Variants in MAN1A2 observed in about 807,000 individuals in gnomAD.
MAN1A2 encodes mannosyl-oligosaccharide 1,2-alpha-mannosidase IB.
MAN1A2 carries 26 observed loss-of-function variants against 75.7 expected under a neutral mutation model. That is an observed-to-expected ratio of 0.34 (90% confidence interval 0.25 to 0.48). The LOEUF (loss-of-function observed/expected upper bound fraction) is 0.48, where lower values mean the gene tolerates loss of function less well. Among genes scored for constraint, MAN1A2 ranks in the 20% least tolerant of loss-of-function variants. The pLI is 0.99. For synonymous variants in MAN1A2, 247 were observed against 264.6 expected (o/e 0.93, Z 0.65); for missense variants, 562 against 775.5 (o/e 0.72, Z 3.27).
At chr1:117,474,171 T>C (rs1265418059) in intron 8 of MAN1A2, among the ~76,000 whole-genome samples, 1 of 151,996 alleles carries the variant, frequency 6.6e-6, no homozygotes, top group Non-Finnish European at 1.5e-5. Context: ...TCAACCTGAC[T>C]GCAAAGGATC....
chr1:117,413,986 CAGTT>C (rs1421564017), intron 3 of MAN1A2, among the ~76,000 whole-genome samples: 3 of 151,842 alleles, frequency 2.0e-5, no homozygotes, highest in Non-Finnish European at 4.4e-5. Context: ...GTTTTGGTAT[CAGTT>C]AGGCTGGTTT....
intron 7 of MAN1A2, among the ~76,000 whole-genome samples, chr1:117,464,849 T>C (rs1335845354): frequency 1.3e-5 from 2 of 152,162 alleles, no homozygotes; most frequent in Non-Finnish European, 2.9e-5. Context: ...CCTGGTGTTT[T>C]ATGTCAAAAC....
Position 117,425,194 on chromosome 1 carries a change from C to CT in MAN1A2, c.855+4546dup, listed in dbSNP as rs202201012. On this transcript the variant is annotated intron_variant, in intron 5 of 12. Transcript: ENST00000356554. The stretch of plus-strand genomic sequence containing the variant: ...GAGGGAAGGGGGAAGGATCAGAACT[C>CT]TATCTATAAAAAGATGCAAAGTTTT... Among the ~76,000 whole-genome samples, 1,071 of 151,856 alleles carry CT rather than the reference C, an allele frequency of 7.1e-3. 18 individuals carry two copies. The highest frequency in any genetic ancestry group is 0.025 in the African/African-American group (1,024 of 41,322).
chr1:117,396,361 G>A (rs1653904603), intron 1 of MAN1A2, among the ~76,000 whole-genome samples: 1 of 152,108 alleles, frequency 6.6e-6, no homozygotes, highest in Non-Finnish European at 1.5e-5. Flanking sequence ...TTTGGACAAG[G>A]CCAAATTCTT....
Position 117,522,943 on chromosome 1 carries a change from C to G in MAN1A2, c.1912C>G (p.Pro638Ala), listed in dbSNP as rs779927312. Residue 638 changes from proline (P) to alanine (A), a missense_variant, in exon 13 of 13, where the codon CCT becomes GCT. This residue lies in a region of MAN1A2 where 434 missense variants were observed against 645.7 expected (regional missense o/e 0.67). Coordinates refer to ENST00000356554, the MANE Select transcript of MAN1A2 (RefSeq NM_006699.5). ...AGCCAACACCACACTTTCAGGTAAT[C>G]CTGCTGTTCGATGAAAGCAGTTCCA... is the stretch of plus-strand genomic sequence containing the variant. ...HLANTTLSGN[P>A]AVR 6.2e-7 allele frequency: 1 copy of G among 1,611,354 alleles called. No homozygotes were observed. Among genetic ancestry groups the G allele is most frequent in the Non-Finnish European group, 8.5e-7 (1 of 1,178,430 alleles).
At chr1:117,381,458 A>G (rs1467902933) in intron 1 of MAN1A2, among the ~76,000 whole-genome samples, 1 of 151,984 alleles carries the variant, frequency 6.6e-6, no homozygotes, top group Non-Finnish European at 1.5e-5. Context: ...TCTTTGCGAT[A>G]GTTTACTGAG....
chr1:117,480,473 GTT>G (rs759899183), intron 8 of MAN1A2, among the ~76,000 whole-genome samples: 12 of 151,672 alleles, frequency 7.9e-5, no homozygotes, highest in Non-Finnish European at 1.3e-4. Context: ...TTTGTCCAAA[GTT>G]TTTGGTTGTT....
Position 117,367,936 on chromosome 1 carries a change from T to A in MAN1A2, c.-248T>A. On this transcript the variant is annotated 5_prime_UTR_variant, in exon 1 of 13. An upstream start codon of the reference 5' UTR is lost. Transcript: ENST00000356554. ...GAAGAGGAGGCTTGTAATAATCCGA[T>A]GAAGTACAGATGTTGAAGAGGATAT... The A allele has an allele frequency of 4.3e-6, 2 of 460,316 alleles. No homozygotes were observed. Among genetic ancestry groups the A allele is most frequent in the South Asian group, 7.0e-5 (2 of 28,614 alleles). 28.5% of individuals were successfully genotyped at this position (460,316 alleles called of 1,614,324 possible).
chr1:117,442,124 C>A, intron 5 of MAN1A2, 107 bp from the exon 6 acceptor site: 1 of 638,512 alleles, frequency 1.6e-6, no homozygotes, highest in Admixed American at 2.4e-5. Flanking sequence ...CTACCCTGTG[C>A]TCCCGTGTAC....
At chr1:117,416,829 G>A (rs755463607) in intron 4 of MAN1A2, among the ~76,000 whole-genome samples, 4 of 152,128 alleles carry the variant, frequency 2.6e-5, no homozygotes, top group Non-Finnish European at 4.4e-5. Context: ...GACTGTGTCA[G>A]AGCTGAGACT....
rs1647935083 is a variant in MAN1A2, at chr1:117,414,761, A to G, written c.704A>G (p.Tyr235Cys). The G allele has an allele frequency of 6.2e-7, 1 of 1,610,810 alleles. No individual in the cohort carries two copies. The stretch of plus-strand genomic sequence containing the variant: ...ATAGTAGATGCTTTGGATACCCTTT[A>G]TATCATGGGACTTCATGATGAATTC... ...ATIVDALDTL[Y>C]IMGLHDEFLD... Residue 235 changes from tyrosine (Y) to cysteine (C), a missense_variant, in exon 4 of 13, where the codon TAT becomes TGT. Around this residue, in one of 2 missense-constraint regions of MAN1A2, gnomAD observed 434 missense variants for 645.7 expected, o/e 0.67. Transcript: ENST00000356554.
chr1:117,496,468 G>A (rs1190996558), intron 9 of MAN1A2, among the ~76,000 whole-genome samples: 2 of 151,900 alleles, frequency 1.3e-5, no homozygotes, highest in Admixed American at 1.3e-4. Context: ...CAAAACAAAT[G>A]CCTAAATTTG....
chr1:117,522,194 C>T (rs1295622606), intron 12 of MAN1A2, among the ~76,000 whole-genome samples: 3 of 151,780 alleles, frequency 2.0e-5, no homozygotes, highest in African/African-American at 7.2e-5. Context: ...AAATGAATGA[C>T]AGCAGAGTCC....
rs551825778 is a variant in MAN1A2 at position 117,506,423 on chromosome 1, C to G, written c.1793+3453C>G. Among the ~76,000 whole-genome samples the G allele has an allele frequency of 3.6e-4, 54 of 151,570 alleles. No individual in the cohort carries two copies. The Middle Eastern group carries it at 0.01, about 29-fold the overall frequency. ...TATTGCTATAGGCATACTTTTTTCCCCAGAAGAGGCCATGTCTCCTACTTT... is the reference window on the plus strand; with the variant it reads ...TATTGCTATAGGCATACTTTTTTCCGCAGAAGAGGCCATGTCTCCTACTTT... On this transcript the variant is annotated intron_variant, in intron 12 of 12. Transcript: ENST00000356554.
chr1:117,454,390 G>A (rs10923303), intron 6 of MAN1A2, among the ~76,000 whole-genome samples: 18,841 of 152,018 alleles, frequency 0.12, 1,228 homozygotes, highest in Non-Finnish European at 0.14. Context: ...GAGAAGAAAG[G>A]CATTTACATT....
intron 3 of MAN1A2, among the ~76,000 whole-genome samples, chr1:117,408,044 C>T (rs1480615867): frequency 6.6e-6 from 1 of 152,056 alleles, no homozygotes; most frequent in Non-Finnish European, 1.5e-5. Flanking sequence ...TAGTTAGGGC[C>T]TGGCTCTGGA....
chr1:117,503,102 T>C (rs1651251947), intron 12 of MAN1A2, 132 bp downstream of exon 12: 1 of 521,824 alleles, frequency 1.9e-6, no homozygotes, highest in Non-Finnish European at 3.3e-6. Flanking sequence ...TAATTGGGTG[T>C]GTAAATTTTT....
chr1:117,462,440 G>A (rs914992738), intron 7 of MAN1A2, among the ~76,000 whole-genome samples: 1 of 152,130 alleles, frequency 6.6e-6, no homozygotes, highest in Non-Finnish European at 1.5e-5. Flanking sequence ...TTGATAAATT[G>A]TTGAAGTAAA....
Position 117,526,484 on chromosome 1 carries a change from A to C in MAN1A2, c.*3527A>C, listed in dbSNP as rs188716827. On this transcript the variant is annotated 3_prime_UTR_variant, in exon 13 of 13. Transcript: ENST00000356554. ...TGTAGTTAATAACTAAAACCTCTTG[A>C]AAATGTCAAAGAAATACTTGATTTC... is the stretch of plus-strand genomic sequence containing the variant. 287 of 151,940 alleles carry C rather than the reference A, an allele frequency of 1.9e-3. 1 individual carries two copies. The highest frequency in any genetic ancestry group is 6.6e-3 in the African/African-American group (275 of 41,540). 9.4% of individuals were successfully genotyped at this position (151,940 alleles called of 1,614,324 possible). A position where few individuals can be genotyped will look rare whatever the true frequency, so the allele number is the denominator to read the frequency against.
Sources: gnomAD v4.1 joint callset for allele counts (sites outside exome capture counted in the v4.1 genomes callset) on GRCh38, gnomAD v4.1.1 for gene constraint, gnomAD v4.1.1 regional missense constraint, MANE v1.5 for transcripts, NCBI Gene and HGNC (gene_info 2026-07-23, HGNC 2026-07-21) for gene names.